CEP120: variants seen among roughly 807,000 people sequenced by gnomAD.
CEP120 encodes the protein centrosomal protein 120.
Under a neutral mutation model 126.5 loss-of-function variants are expected in CEP120, and 113 were observed. The observed-to-expected ratio is 0.89, with a 90% CI of 0.77 to 1.04. The LOEUF (loss-of-function observed/expected upper bound fraction) is 1.04. Ranked by LOEUF, CEP120 falls within the 50% of genes least tolerant of loss-of-function variation. The probability of loss-of-function intolerance (pLI) is 0.00; values close to 1 mark genes in which losing one functional copy is unlikely to be tolerated. For synonymous variants in CEP120, 400 were observed against 394.3 expected (o/e 1.01, Z -0.17); for missense variants, 1,230 against 1,155.7 (o/e 1.06, Z -0.93).
intron 4 of CEP120, among the ~76,000 whole-genome samples, chr5:123,400,289 A>T (rs561712000): frequency 3.4e-5 from 5 of 147,560 alleles, no homozygotes; most frequent in South Asian, 2.1e-4. Flanking sequence ...TTTAGTCTCC[A>T]TTTTTTTTTT....
At chr5:123,401,023 C>A (rs878960750) in intron 4 of CEP120, 4 of 1,558,974 alleles carry the variant, frequency 2.6e-6, no homozygotes, top group Admixed American at 3.3e-5. Context: ...AAGGAGCTGG[C>A]GCCCAGGCCG....
At chr5:123,407,622 C>A (rs1378834357) in intron 4 of CEP120, among the ~76,000 whole-genome samples, 1 of 152,142 alleles carries the variant, frequency 6.6e-6, no homozygotes, top group Non-Finnish European at 1.5e-5. Flanking sequence ...ATAGTTGAAT[C>A]CAACTTGGAG....
chr5:123,406,073 A>G (rs1201748044), intron 4 of CEP120, among the ~76,000 whole-genome samples: 1 of 151,888 alleles, frequency 6.6e-6, no homozygotes, highest in Non-Finnish European at 1.5e-5. Context: ...GACTATGAGA[A>G]TTGGTTCATT....
Position 123,399,240 on chromosome 5 carries a change from C to G in CEP120, c.508G>C (p.Val170Leu), listed in dbSNP as rs756502328. Residue 170 changes from valine to leucine, a missense_variant, in exon 5 of 20, where the codon GTG (valine) becomes CTG (leucine). Val to Leu is a conservative substitution (Grantham distance 32). Transcript: ENST00000306467. ...AGLDPRDIVA[V>L]LNEEGGYHQI... ...TGGTAGCCTCCCTCTTCATTCAGCA[C>G]AGCCACAATGTCCCTGGGGTCAAGT... 7.4e-6 allele frequency: 12 copies of G among 1,614,116 alleles called. No homozygotes were observed. Among genetic ancestry groups the G allele is most frequent in the Admixed American group, 1.7e-5 (1 of 60,026 alleles).
intron 15 of CEP120, 130 bp downstream of exon 15, chr5:123,378,206 T>TTGCTGC: frequency 1.7e-6 from 1 of 602,176 alleles, no homozygotes; most frequent in Non-Finnish European, 2.9e-6. Context: ...GCTTGTCTCA[T>TTGCTGC]TCTTATAAGC....
At chr5:123,364,191 G>C (rs1770289894) in intron 18 of CEP120, among the ~76,000 whole-genome samples, 1 of 151,498 alleles carries the variant, frequency 6.6e-6, no homozygotes, top group Non-Finnish European at 1.5e-5. Context: ...ACTCCCAGTG[G>C]AAAGTTTAAT....
intron 10 of CEP120, 108 bp downstream of exon 10, chr5:123,386,410 C>T: frequency 1.3e-6 from 1 of 747,672 alleles, no homozygotes; most frequent in Non-Finnish European, 1.9e-6. Context: ...TCCTCAAATG[C>T]ATAAACTGCT....
intron 16 of CEP120, among the ~76,000 whole-genome samples, chr5:123,375,993 CT>C (rs368495804): frequency 2.1e-3 from 294 of 141,656 alleles, no homozygotes; most frequent in Admixed American, 1.9e-3. Flanking sequence ...CAGCTTGATT[CT>C]TTTTTTTTTT....
At chr5:123,402,890 C>T (rs550617998) in intron 4 of CEP120, among the ~76,000 whole-genome samples, 11 of 152,168 alleles carry the variant, frequency 7.2e-5, no homozygotes, top group Non-Finnish European at 1.6e-4. Context: ...ATCAGGTGCC[C>T]TTATAAAAAG....
chr5:123,382,924 C>T, intron 12 of CEP120, 35 bp from the exon 13 acceptor site: 7 of 1,610,158 alleles, frequency 4.3e-6, no homozygotes, highest in Non-Finnish European at 5.9e-6. Flanking sequence ...TTTAAACACT[C>T]ACACACATAT....
intron 5 of CEP120, among the ~76,000 whole-genome samples, chr5:123,397,139 T>C (rs1772843883): frequency 6.6e-6 from 1 of 151,858 alleles, no homozygotes; most frequent in South Asian, 2.1e-4. Context: ...ACCTGGCAAA[T>C]ATGGTGAAAC....
chr5:123,355,579 G>A (rs1199022098), intron 18 of CEP120, among the ~76,000 whole-genome samples: 2 of 152,154 alleles, frequency 1.3e-5, no homozygotes, highest in African/African-American at 2.4e-5. Context: ...CTGCATAAAT[G>A]TCTTCTTTTG....
intron 18 of CEP120, among the ~76,000 whole-genome samples, chr5:123,352,865 G>C (rs1037346774): frequency 5.9e-5 from 9 of 151,740 alleles, no homozygotes; most frequent in African/African-American, 2.2e-4. Flanking sequence ...TATATGCTAA[G>C]ACTAACATAT....
rs541808661 is a variant in CEP120, at chr5:123,423,338, C to A, written c.-340G>T. On this transcript the variant is annotated 5_prime_UTR_variant, in exon 1 of 20. Coordinates refer to ENST00000306467, the MANE Select transcript of CEP120 (RefSeq NM_001375405.1). ...CCCGGGCGGCCGCAGCGGCCGCCGCCGCGCCCAGCTTCCGCCTAGCAACCA... is the reference window on the plus strand; with the variant it reads ...CCCGGGCGGCCGCAGCGGCCGCCGCAGCGCCCAGCTTCCGCCTAGCAACCA... 9.3e-5 allele frequency: 32 copies of A among 345,232 alleles called. No individual in the cohort carries two copies. The South Asian group carries it at 1.1e-3, about 11-fold the overall frequency. 21.4% of individuals were successfully genotyped at this position (345,232 alleles called of 1,614,324 possible). A position where few individuals can be genotyped will look rare whatever the true frequency, so the allele number is the denominator to read the frequency against.
intron 4 of CEP120, chr5:123,403,717 C>T (rs765965164): frequency 5.9e-5 from 25 of 422,636 alleles, no homozygotes; most frequent in Non-Finnish European, 1.2e-4. Flanking sequence ...ATGGGAAGAA[C>T]GTGGCATCTG....
Position 123,418,438 on chromosome 5 carries a change from G to T in CEP120, c.127C>A (p.Pro43Thr), listed in dbSNP as rs751516596. The T allele has an allele frequency of 6.2e-7, 1 of 1,612,950 alleles. No homozygotes were observed. The highest frequency in any genetic ancestry group is 1.1e-5 in the South Asian group (1 of 90,990). ...KFDGEQLATD[P>T]VDHTDQPEFA... ...TCTGGCTGGTCAGTGTGGTCCACAG[G>T]ATCAGTAGCCAACTGTTCTCCATCA... is the stretch of plus-strand genomic sequence containing the variant. The change falls in exon 2 of 20, where the codon CCT (proline) becomes ACT (threonine). Residue 43 changes from proline to threonine, a missense_variant. By Grantham distance (38) the Pro-to-Thr change is conservative. Transcript: ENST00000306467.
At chr5:123,395,529 G>A (rs1195248129) in intron 5 of CEP120, among the ~76,000 whole-genome samples, 2 of 152,060 alleles carry the variant, frequency 1.3e-5, no homozygotes, top group African/African-American at 4.8e-5. Context: ...CCAGTCCCTG[G>A]AAATCACAAA....
intron 4 of CEP120, chr5:123,403,077 C>A: frequency 7.3e-6 from 2 of 275,800 alleles, no homozygotes; most frequent in Non-Finnish European, 1.4e-5. Context: ...CATAGCAGCA[C>A]AAAACAGGTA....
At chr5:123,407,506 G>A (rs1773775233) in intron 4 of CEP120, among the ~76,000 whole-genome samples, 1 of 152,178 alleles carries the variant, frequency 6.6e-6, no homozygotes, top group African/African-American at 2.4e-5. Flanking sequence ...ATTACATGAT[G>A]ATAAAGGAGT....
Sources: gnomAD v4.1 joint callset for allele counts (sites outside exome capture counted in the v4.1 genomes callset) on GRCh38, gnomAD v4.1.1 for gene constraint, MANE v1.5 for transcripts, NCBI Gene and HGNC (gene_info 2026-07-23, HGNC 2026-07-21) for gene names.